The following MMP26 variants were observed in gnomAD, a reference collection of about 807,000 sequenced individuals.
MMP26 encodes the protein matrix metallopeptidase 26.
Under a neutral mutation model 31.0 loss-of-function variants are expected in MMP26, and 33 were observed. The ratio of observed to expected loss-of-function variants is 1.06; its 90% CI spans 0.81 to 1.42. MMP26 has a LOEUF of 1.42. MMP26 is among the 40% of genes most tolerant of loss of function. The pLI is 0.00. For missense variants in MMP26, 347 were observed against 316.1 expected (o/e 1.10, Z -0.74); for synonymous variants, 122 against 114.9 (o/e 1.06, Z -0.40).
chr11:4,713,932 G>A (rs1377244748), intron 1 of MMP26, among the ~76,000 whole-genome samples: 5 of 152,094 alleles, frequency 3.3e-5, no homozygotes, highest in African/African-American at 1.2e-4. Context: ...GGAGAAGAAA[G>A]CCATGAAGTA....
In MMP26 at chr11:4,744,620, C is replaced by G. The variant is rs1229167409; in HGVS notation, c.-216-22650C>G. On this transcript the variant is annotated intron_variant, in intron 1 of 7. Transcript: ENST00000380390. Reference sequence around the variant, plus strand: ...TATGAGGATCATTTACCTCGCCCCACAAAAAAACTTATTCTTAAGGGATCT... The same window carrying G: ...TATGAGGATCATTTACCTCGCCCCAGAAAAAAACTTATTCTTAAGGGATCT... Among the ~76,000 whole-genome samples the G allele has an allele frequency of 2.0e-5, 3 of 152,072 alleles. 1 individual carries two copies. Among genetic ancestry groups the G allele is most frequent in the Admixed American group, 1.3e-4 (2 of 15,252 alleles).
intron 2 of MMP26, among the ~76,000 whole-genome samples, chr11:4,918,952 A>G (rs576959713): frequency 1.8e-4 from 27 of 152,342 alleles, no homozygotes; most frequent in African/African-American, 6.5e-4. Context: ...TTGACCTTTA[A>G]TAACCGAGCT....
At chr11:4,965,660 T>A (rs1846582865) in intron 2 of MMP26, among the ~76,000 whole-genome samples, 1 of 152,210 alleles carries the variant, frequency 6.6e-6, no homozygotes, top group East Asian at 1.9e-4. Context: ...CACACCCTTC[T>A]GGGTTATCTG....
intron 2 of MMP26, chr11:4,914,795 G>A: frequency 6.2e-7 from 1 of 1,613,984 alleles, no homozygotes; most frequent in Non-Finnish European, 8.5e-7. Flanking sequence ...ATTCATCACA[G>A]GAGGAAAGAG....
At chr11:4,975,503 G>T (rs959362739) in intron 2 of MMP26, among the ~76,000 whole-genome samples, 2 of 151,994 alleles carry the variant, frequency 1.3e-5, no homozygotes, top group Non-Finnish European at 2.9e-5. Context: ...ATTGTTATTT[G>T]CTTATTTATT....
chr11:4,766,574 T>C (rs1049125976), intron 1 of MMP26, among the ~76,000 whole-genome samples: 1 of 152,162 alleles, frequency 6.6e-6, no homozygotes, highest in Non-Finnish European at 1.5e-5. Flanking sequence ...TTTCTGTTGC[T>C]ACAATAAAAA....
intron 2 of MMP26, among the ~76,000 whole-genome samples, chr11:4,918,789 A>G (rs1296943330): frequency 6.6e-6 from 1 of 152,192 alleles, no homozygotes; most frequent in Non-Finnish European, 1.5e-5. Context: ...TGATTCTATT[A>G]TAATAGACCA....
At chr11:4,710,384 C>T (rs1315707776) in intron 1 of MMP26, 4 of 456,846 alleles carry the variant, frequency 8.8e-6, no homozygotes. Context: ...ATGCCCCTCC[C>T]CTTGTGCACA....
chr11:4,945,176 G>A (rs187403224), intron 2 of MMP26: 6 of 152,144 alleles, frequency 3.9e-5, no homozygotes, highest in Admixed American at 2.6e-4. Flanking sequence ...CAATGGAAGA[G>A]ATAAAAGAGA....
chr11:4,929,124 C>G (rs1007454058), intron 2 of MMP26, among the ~76,000 whole-genome samples: 2 of 151,932 alleles, frequency 1.3e-5, no homozygotes, highest in East Asian at 1.9e-4. Context: ...TAAGTAAACC[C>G]AAAAATATGT....
chr11:4,822,092 T>G, intron 2 of MMP26: 1 of 1,613,348 alleles, frequency 6.2e-7, no homozygotes, highest in Non-Finnish European at 8.5e-7. Flanking sequence ...ATCCTGATCA[T>G]TCGATCTGTC....
At chr11:4,722,029 G>C (rs903270693) in intron 1 of MMP26, among the ~76,000 whole-genome samples, 1 of 152,146 alleles carries the variant, frequency 6.6e-6, no homozygotes, top group African/African-American at 2.4e-5. Flanking sequence ...TGCTCCAACC[G>C]TGTGAAGTGC....
At chr11:4,873,719 C>A (rs1030595280) in intron 2 of MMP26, among the ~76,000 whole-genome samples, 1 of 151,870 alleles carries the variant, frequency 6.6e-6, no homozygotes, top group Non-Finnish European at 1.5e-5. Context: ...TTTATTGAGT[C>A]TTTATTATTT....
At chr11:4,851,026 G>A (rs1849968628) in intron 2 of MMP26, among the ~76,000 whole-genome samples, 1 of 152,152 alleles carries the variant, frequency 6.6e-6, no homozygotes, top group South Asian at 2.1e-4. Context: ...TTTCCAGTGT[G>A]ATGGAGTGAG....
intron 1 of MMP26, among the ~76,000 whole-genome samples, chr11:4,751,723 G>A (rs1163656631): frequency 6.6e-6 from 1 of 152,076 alleles, no homozygotes; most frequent in Admixed American, 6.6e-5. Flanking sequence ...TTTTTAAAAT[G>A]TTCTTAGGGC....
In MMP26 at chr11:4,710,679, A is replaced by G. The variant is rs936438688; in HGVS notation, c.-217+5634A>G. On this transcript the variant is annotated intron_variant, in intron 1 of 7. Coordinates refer to ENST00000380390, the MANE Select transcript of MMP26 (RefSeq NM_021801.5). ...TTTACACAGTTCTAAATGGTGAGTTATTTAAGGGCAGAGATTATGTCGGTA... is the reference window on the plus strand; with the variant it reads ...TTTACACAGTTCTAAATGGTGAGTTGTTTAAGGGCAGAGATTATGTCGGTA... 7 of 339,324 alleles carry G rather than the reference A, an allele frequency of 2.1e-5. No homozygotes were observed. The Admixed American group carries it at 2.7e-4, about 13-fold the overall frequency. 21.0% of individuals were successfully genotyped at this position (339,324 alleles called of 1,614,324 possible).
At chr11:4,769,944 C>T (rs1218158828) in intron 2 of MMP26, 2 of 1,152,168 alleles carry the variant, frequency 1.7e-6, no homozygotes, top group East Asian at 2.3e-5. Context: ...AGCATTTGTC[C>T]TCACAATGCT....
chr11:4,717,541 C>G (rs4285864), intron 1 of MMP26, among the ~76,000 whole-genome samples: 69,299 of 149,914 alleles, frequency 0.46, 17,944 homozygotes, highest in Non-Finnish European at 0.56. Flanking sequence ...TTTTTTTTCT[C>G]AGCTACCAGA....
intron 2 of MMP26, among the ~76,000 whole-genome samples, chr11:4,905,791 G>A (rs1450703534): frequency 6.6e-6 from 1 of 151,954 alleles, no homozygotes. Context: ...TTACCTTGAA[G>A]GCCAAAAACT....
Sources: allele counts gnomAD v4.1 joint callset (sites outside exome capture counted in the v4.1 genomes callset), GRCh38; gene constraint gnomAD v4.1.1; transcripts MANE v1.5; gene names NCBI Gene and HGNC (gene_info 2026-07-23, HGNC 2026-07-21).